TMEM273: variants seen among roughly 807,000 people sequenced by gnomAD.
The protein encoded by TMEM273 is chromosome 10 open reading frame 128.
In TMEM273, 19 loss-of-function variants were observed where a neutral mutation model predicts 17.9. That is an observed-to-expected ratio of 1.06 (90% CI 0.74 to 1.55). TMEM273 has a LOEUF of 1.55. TMEM273 is among the 40% of genes most tolerant of loss of function. The pLI is 0.00. For synonymous variants in TMEM273, 66 were observed against 62.0 expected (o/e 1.07, Z -0.31); for missense variants, 194 against 155.6 (o/e 1.25, Z -1.31).
At chr10:49,165,721 A>G in intron 4 of TMEM273, 45 bp downstream of exon 4, 1 of 1,612,332 alleles carries the variant, frequency 6.2e-7, no homozygotes, top group East Asian at 2.2e-5. Context: ...TCAAGACAGG[A>G]GAGAACACGA....
At chr10:49,176,804 C>T (rs1220269546) in intron 1 of TMEM273, among the ~76,000 whole-genome samples, 3 of 152,210 alleles carry the variant, frequency 2.0e-5, no homozygotes, top group African/African-American at 7.2e-5. Context: ...CTTACCGGGA[C>T]AGATCATTCG....
intron 5 of TMEM273, among the ~76,000 whole-genome samples, chr10:49,161,845 A>G (rs1590186965): frequency 6.6e-6 from 1 of 151,992 alleles, no homozygotes; most frequent in South Asian, 2.1e-4. Flanking sequence ...CTGTTACGAT[A>G]CCTGCCAAGA....
At chr10:49,181,350 G>A (rs1251831936) in intron 1 of TMEM273, among the ~76,000 whole-genome samples, 1 of 152,142 alleles carries the variant, frequency 6.6e-6, no homozygotes, top group Non-Finnish European at 1.5e-5. Flanking sequence ...TTTTGTAGAT[G>A]TACAAAAGAT....
intron 1 of TMEM273, among the ~76,000 whole-genome samples, 162 bp downstream of exon 1, chr10:49,188,132 C>T (rs138593665): frequency 6.6e-6 from 1 of 152,348 alleles, no homozygotes; most frequent in Non-Finnish European, 1.5e-5. Flanking sequence ...TGGAATGAGA[C>T]AAACAAGATC....
chr10:49,164,747 G>A (rs1846058546), intron 5 of TMEM273, among the ~76,000 whole-genome samples: 1 of 152,050 alleles, frequency 6.6e-6, no homozygotes, highest in African/African-American at 2.4e-5. Flanking sequence ...CACGTAGCCT[G>A]AGGCTCCCCT....
At chr10:49,183,353 TTGTGTGTGTG>T (rs3079989) in intron 1 of TMEM273, among the ~76,000 whole-genome samples, 6 of 148,742 alleles carry the variant, frequency 4.0e-5, no homozygotes, top group Admixed American at 6.7e-5. Context: ...AGGAAACAAA[TTGTGTGTGTG>T]TGTGTGTGTG....
intron 1 of TMEM273, among the ~76,000 whole-genome samples, chr10:49,172,737 C>A (rs1204206903): frequency 6.6e-6 from 1 of 152,198 alleles, no homozygotes. Flanking sequence ...TGGGCAAGTT[C>A]CCAAATTGAG....
At chr10:49,159,496 T>C (rs1051388085) in intron 6 of TMEM273, among the ~76,000 whole-genome samples, 1 of 152,210 alleles carries the variant, frequency 6.6e-6, no homozygotes, top group African/African-American at 2.4e-5. Context: ...GCAGGGTTTT[T>C]ACTTTGGAGA....
chr10:49,177,176 G>A (rs1365814572), intron 1 of TMEM273, among the ~76,000 whole-genome samples: 2 of 152,230 alleles, frequency 1.3e-5, no homozygotes, highest in Non-Finnish European at 2.9e-5. Context: ...CCTTACCCAA[G>A]CCCTGGCTTT....
chr10:49,168,312 T>C (rs1564630684), intron 1 of TMEM273, among the ~76,000 whole-genome samples: 1 of 152,068 alleles, frequency 6.6e-6, no homozygotes. Context: ...CCAGGGAATC[T>C]CCTGCCCTGC....
At chr10:49,175,815 G>A (rs374036088) in intron 1 of TMEM273, among the ~76,000 whole-genome samples, 11 of 152,190 alleles carry the variant, frequency 7.2e-5, no homozygotes, top group Non-Finnish European at 1.0e-4. Flanking sequence ...TGAGGAAGAC[G>A]GGGGTTCTGG....
intron 1 of TMEM273, among the ~76,000 whole-genome samples, chr10:49,173,945 A>C (rs568829178): frequency 6.6e-6 from 1 of 152,284 alleles, no homozygotes; most frequent in South Asian, 2.1e-4. Context: ...TGAGCCTTGG[A>C]GGCCCAGCTG....
chr10:49,165,442 A>C, intron 4 of TMEM273, 159 bp from the exon 5 acceptor site: 10 of 1,489,844 alleles, frequency 6.7e-6, no homozygotes, highest in Non-Finnish European at 8.9e-6. Flanking sequence ...CTCCCAAGTG[A>C]CAGGGGCTGG....
rs76282168 is a variant in TMEM273, at chr10:49,167,324, G to A, written c.98-315C>T. 1.1e-3 allele frequency among the ~76,000 whole-genome samples: 161 copies of A among 152,308 alleles called. 1 individual carries two copies. The East Asian group carries it at 0.028, about 27-fold the overall frequency. ...CTAGCCCTTCCTCACTGATCCCTTC[G>A]TTAATTCATCCACTCATCTATTGGG... is the stretch of plus-strand genomic sequence containing the variant. On this transcript the variant is annotated intron_variant, in intron 2 of 6. Coordinates refer to ENST00000374153, the MANE Select transcript of TMEM273 (RefSeq NM_001288740.3).
chr10:49,166,773 C>T (rs1002915946), intron 3 of TMEM273, 96 bp downstream of exon 3: 3 of 1,561,486 alleles, frequency 1.9e-6, no homozygotes, highest in Admixed American at 1.7e-5. Flanking sequence ...GGGCTCTGCG[C>T]TTGTGGGTTC....
intron 5 of TMEM273, among the ~76,000 whole-genome samples, chr10:49,164,101 C>T (rs966248831): frequency 6.6e-6 from 1 of 152,274 alleles, no homozygotes; most frequent in East Asian, 1.9e-4. Context: ...GTCCTAAATG[C>T]CAGCCACTTA....
Position 49,155,732 on chromosome 10 carries a change from T to C in TMEM273, c.*160A>G. On this transcript the variant is annotated 3_prime_UTR_variant, in exon 7 of 7. Coordinates refer to ENST00000374153, the MANE Select transcript of TMEM273 (RefSeq NM_001288740.3). ...ATATTTTCCTTCAGGACAGAGGCAC[T>C]GTATATTCTATTCCTTCTATTATTT... is the stretch of plus-strand genomic sequence containing the variant. The C allele has an allele frequency of 1.0e-6, 1 of 962,812 alleles. No individual in the cohort carries two copies. Among genetic ancestry groups the C allele is most frequent in the East Asian group, 2.6e-5 (1 of 38,666 alleles). The allele number at this position is 962,812 out of a possible 1,614,324, so 59.6% of individuals were successfully genotyped here. A position where few individuals can be genotyped will look rare whatever the true frequency, so the allele number is the denominator to read the frequency against.
intron 1 of TMEM273, among the ~76,000 whole-genome samples, chr10:49,173,663 G>T (rs1846738221): frequency 6.6e-6 from 1 of 152,334 alleles, no homozygotes; most frequent in Middle Eastern, 3.4e-3. Context: ...CCCAGAGGAA[G>T]CTGTTTCTCC....
At chr10:49,164,386 C>T (rs1328766071) in intron 5 of TMEM273, among the ~76,000 whole-genome samples, 1 of 152,152 alleles carries the variant, frequency 6.6e-6, no homozygotes, top group Non-Finnish European at 1.5e-5. Flanking sequence ...TCCAGCAGGG[C>T]TTTGCACCAG....
Sources: gnomAD v4.1 joint callset for allele counts (sites outside exome capture counted in the v4.1 genomes callset) on GRCh38, gnomAD v4.1.1 for gene constraint, MANE v1.5 for transcripts, NCBI Gene and HGNC (gene_info 2026-07-23, HGNC 2026-07-21) for gene names.